The following BACH1 variants were observed in gnomAD, a reference collection of about 807,000 sequenced individuals.
BACH1 encodes the protein BTB domain and CNC homolog 1.
Under a neutral mutation model 52.9 loss-of-function variants are expected in BACH1, and 35 were observed. The observed-to-expected ratio is 0.66, with a 90% confidence interval of 0.51 to 0.88. The LOEUF (loss-of-function observed/expected upper bound fraction) is 0.88, where lower values mean the gene tolerates loss of function less well. Ranked by LOEUF, BACH1 falls within the 40% of genes least tolerant of loss-of-function variation. BACH1 has a pLI of 0.00. For synonymous variants in BACH1, 321 were observed against 319.6 expected (o/e 1.00, Z -0.05); for missense variants, 808 against 872.6 (o/e 0.93, Z 0.93).
chr21:29,346,607 A>G (rs1439008154), downstream of BACH1, among the ~76,000 whole-genome samples: 1 of 152,082 alleles, frequency 6.6e-6, no homozygotes, highest in Non-Finnish European at 1.5e-5. Flanking sequence ...CAGAGACACA[A>G]ATCTCGGGGG....
chr21:29,301,229 G>A (rs2088599524), intron 1 of BACH1, among the ~76,000 whole-genome samples: 1 of 152,114 alleles, frequency 6.6e-6, no homozygotes, highest in East Asian at 1.9e-4. Flanking sequence ...GGTGCAAGGA[G>A]GTTCATTTGG....
At chr21:29,299,732 G>C (rs2088582244) in intron 1 of BACH1, 1 of 152,164 alleles carries the variant, frequency 6.6e-6, no homozygotes, top group African/African-American at 2.4e-5. Context: ...TTTATGGAGT[G>C]AGGCTTCTGC....
chr21:29,321,217 G>T lies in BACH1; in HGVS notation c.-60-4G>T, dbSNP rs2088843470. Reference sequence around the variant, plus strand: ...TAAGTGAAATCTTGCATGTGTGTTTGCAGGTTGATGATAATTAGAAGCATG... The same window carrying T: ...TAAGTGAAATCTTGCATGTGTGTTTTCAGGTTGATGATAATTAGAAGCATG... On this transcript the variant is annotated splice_polypyrimidine_tract_variant and splice_region_variant and intron_variant, in intron 1 of 4. Coordinates refer to ENST00000286800, the MANE Select transcript of BACH1 (RefSeq NM_001186.4). The T allele has an allele frequency of 2.2e-6, 3 of 1,334,998 alleles. No homozygotes were observed. Among genetic ancestry groups the T allele is most frequent in the Non-Finnish European group, 3.2e-6 (3 of 932,106 alleles). The allele number at this position is 1,334,998 out of a possible 1,614,324, so 82.7% of individuals were successfully genotyped here.
rs192560684 is a variant in BACH1 at position 29,325,224 on chromosome 21, C to T, written c.235-835C>T. Among the ~76,000 whole-genome samples, 21 of 151,844 alleles carry T rather than the reference C, an allele frequency of 1.4e-4. No individual in the cohort carries two copies. In the East Asian group the frequency reaches 2.5e-3, roughly 18 times the overall value. On this transcript the variant is annotated intron_variant, in intron 2 of 4. Coordinates refer to ENST00000286800, the MANE Select transcript of BACH1 (RefSeq NM_001186.4). ...CAGCCTGGGCGACAGAGCGAGACTC[C>T]GTCTTAGAAAAAAAAAAATCACAAA...
chr21:29,301,436 C>T (rs1234606749), intron 1 of BACH1, among the ~76,000 whole-genome samples: 1 of 152,126 alleles, frequency 6.6e-6, no homozygotes, highest in Non-Finnish European at 1.5e-5. Context: ...TTTTAACTTA[C>T]GGTTTCCTCC....
intron 3 of BACH1, 145 bp from the exon 4 acceptor site, chr21:29,329,342 T>A (rs759184444): frequency 1.8e-5 from 9 of 488,184 alleles, no homozygotes; most frequent in Non-Finnish European, 2.9e-5. Flanking sequence ...CTTTTGAGAT[T>A]GTATAGAAAT....
At chr21:29,354,219 G>A (rs772177598) in intron 2 of BACH1, among the ~76,000 whole-genome samples, 14 of 152,216 alleles carry the variant, frequency 9.2e-5, no homozygotes, top group Non-Finnish European at 1.8e-4. Flanking sequence ...ATGTGTGGCC[G>A]GGGATAATGA....
Position 29,326,690 on chromosome 21 carries a change from A to C in BACH1, c.866A>C (p.Glu289Ala), listed in dbSNP as rs1434258001. Residue 289 changes from glutamate to alanine, a missense_variant, in exon 3 of 5, where the codon GAA becomes GCA. By Grantham distance (107) the Glu-to-Ala change is moderately radical. Transcript: ENST00000286800. ...CDESKLAMEP[E>A]ETKKDPASQC... ...GAAAGTAAATTAGCAATGGAACCTG[A>C]AGAAACGAAGAAAGATCCTGCTTCT... The C allele has an allele frequency of 1.2e-6, 2 of 1,614,222 alleles. No homozygotes were observed. Among genetic ancestry groups the C allele is most frequent in the Middle Eastern group, 1.6e-4 (1 of 6,062 alleles).
At chr21:29,355,628 G>T (rs1231812291) in intron 2 of BACH1, among the ~76,000 whole-genome samples, 1 of 152,198 alleles carries the variant, frequency 6.6e-6, no homozygotes, top group Non-Finnish European at 1.5e-5. Flanking sequence ...CGGTCCAGGG[G>T]TCCTCGGTAG....
At position 29,342,387 on chromosome 21, in the gene BACH1, C is replaced by T; in HGVS notation, c.1777-12C>T. On this transcript the variant is annotated splice_polypyrimidine_tract_variant and intron_variant, in intron 4 of 4. Coordinates refer to ENST00000286800, the MANE Select transcript of BACH1 (RefSeq NM_001186.4). Reference sequence around the variant, plus strand: ...AACACAAGCCATTGTGTTCTCTTTCCCCACTTCACAGCAAAGTGAAAAGGA... The same window carrying T: ...AACACAAGCCATTGTGTTCTCTTTCTCCACTTCACAGCAAAGTGAAAAGGA... The T allele has an allele frequency of 1.2e-6, 2 of 1,605,962 alleles. No individual in the cohort carries two copies. Among genetic ancestry groups the T allele is most frequent in the East Asian group, 2.2e-5 (1 of 44,750 alleles).
chr21:29,308,056 T>C (rs2088678469), intron 1 of BACH1, among the ~76,000 whole-genome samples: 1 of 152,202 alleles, frequency 6.6e-6, no homozygotes. Flanking sequence ...ATAAATGCAA[T>C]AGTATTTCCC....
At position 29,319,962 on chromosome 21, in the gene BACH1, A is replaced by G. The variant is rs561090654; in HGVS notation, c.-60-1259A>G. Among the ~76,000 whole-genome samples the G allele has an allele frequency of 7.8e-4, 118 of 152,234 alleles. 1 individual carries two copies. Among genetic ancestry groups the G allele is most frequent in the African/African-American group, 2.7e-3 (112 of 41,522 alleles). On this transcript the variant is annotated intron_variant, in intron 1 of 4. Transcript: ENST00000286800. ...AAGACTAATTGCTAAAAATAAATTTATATTCTCGTATGGGCCAAAACTGGA... is the reference window on the plus strand; with the variant it reads ...AAGACTAATTGCTAAAAATAAATTTGTATTCTCGTATGGGCCAAAACTGGA...
chr21:29,329,338 A>T, intron 3 of BACH1, 149 bp from the exon 4 acceptor site: 1 of 483,346 alleles, frequency 2.1e-6, no homozygotes, highest in South Asian at 6.4e-5. Context: ...TATCCTTTTG[A>T]GATTGTATAG....
chr21:29,319,526 G>A (rs1404827843), intron 1 of BACH1, among the ~76,000 whole-genome samples: 2 of 151,548 alleles, frequency 1.3e-5, no homozygotes, highest in African/African-American at 2.4e-5. Flanking sequence ...AGGAGACAGG[G>A]ACATACCAGA....
chr21:29,304,555 A>G (rs1408156296), intron 1 of BACH1, among the ~76,000 whole-genome samples: 4 of 152,336 alleles, frequency 2.6e-5, no homozygotes, highest in Middle Eastern at 3.4e-3. Context: ...AATTACACTA[A>G]AAAAGGTTTT....
intron 1 of BACH1, among the ~76,000 whole-genome samples, chr21:29,306,960 T>C (rs1260808387): frequency 6.6e-6 from 1 of 152,200 alleles, no homozygotes; most frequent in African/African-American, 2.4e-5. Context: ...CCTGCCATTG[T>C]CTTATTCCTT....
chr21:29,347,434 C>T (rs557989396), downstream of BACH1, among the ~76,000 whole-genome samples: 19 of 152,280 alleles, frequency 1.2e-4, no homozygotes. Flanking sequence ...TACATCAGGG[C>T]CAGGACAAAG....
In BACH1 at chr21:29,342,392, T is replaced by C. The variant is rs746942564; in HGVS notation, c.1777-7T>C. ...AAGCCATTGTGTTCTCTTTCCCCAC[T>C]TCACAGCAAAGTGAAAAGGAGAGCT... On this transcript the variant is annotated splice_region_variant and splice_polypyrimidine_tract_variant and intron_variant, in intron 4 of 4. Transcript: ENST00000286800. 3.7e-6 allele frequency: 6 copies of C among 1,609,728 alleles called. No individual in the cohort carries two copies. In the East Asian group the frequency reaches 1.3e-4, roughly 36 times the overall value.
rs1048468583 is a variant in BACH1 at position 29,323,933 on chromosome 21, C to T, written c.235-2126C>T. Among the ~76,000 whole-genome samples, 10 of 152,002 alleles carry T rather than the reference C, an allele frequency of 6.6e-5. No homozygotes were observed. The East Asian group carries it at 9.7e-4, about 15-fold the overall frequency. On this transcript the variant is annotated intron_variant, in intron 2 of 4. Transcript: ENST00000286800. The stretch of plus-strand genomic sequence containing the variant: ...AAGTTCTATATAATTTTATCCCCTG[C>T]GAAGGTTTGTGTATCCACCACCATA...
Sources: gnomAD v4.1 joint callset for allele counts (sites outside exome capture counted in the v4.1 genomes callset) on GRCh38, gnomAD v4.1.1 for gene constraint, MANE v1.5 for transcripts, NCBI Gene and HGNC (gene_info 2026-07-23, HGNC 2026-07-21) for gene names.